Variants in PPP6R3 observed in about 807,000 individuals in gnomAD.
PPP6R3 encodes the protein serine/threonine-protein phosphatase 6 regulatory subunit 3.
Under a neutral mutation model 110.7 loss-of-function variants are expected in PPP6R3, and 38 were observed. The ratio of observed to expected loss-of-function variants is 0.34; its 90% CI spans 0.26 to 0.45. The LOEUF is 0.45. Ranked by LOEUF, PPP6R3 falls within the 20% of genes least tolerant of loss-of-function variation. The probability of loss-of-function intolerance (pLI) is 1.00; values close to 1 mark genes in which losing one functional copy is unlikely to be tolerated. For missense variants in PPP6R3, 870 were observed against 1,062.4 expected (o/e 0.82, Z 2.52); for synonymous variants, 369 against 373.5 (o/e 0.99, Z 0.14).
chr11:68,464,106 T>A (rs1481533386), intron 1 of PPP6R3, among the ~76,000 whole-genome samples: 2 of 152,232 alleles, frequency 1.3e-5, no homozygotes, highest in Non-Finnish European at 2.9e-5. Flanking sequence ...GATGTTGGAC[T>A]CCACCTCTGG....
chr11:68,528,253 T>C (rs2099211432), intron 2 of PPP6R3, among the ~76,000 whole-genome samples: 1 of 152,078 alleles, frequency 6.6e-6, no homozygotes, highest in South Asian at 2.1e-4. Flanking sequence ...AGTTTCAAGT[T>C]GAAACTGGAA....
At chr11:68,546,288 C>T (rs1343295291) in intron 4 of PPP6R3, among the ~76,000 whole-genome samples, 1 of 152,146 alleles carries the variant, frequency 6.6e-6, no homozygotes, top group Non-Finnish European at 1.5e-5. Flanking sequence ...ATCCTATCAC[C>T]CTGATATTAC....
intron 1 of PPP6R3, among the ~76,000 whole-genome samples, chr11:68,483,621 T>A (rs1565327777): frequency 6.6e-6 from 1 of 152,182 alleles, no homozygotes; most frequent in East Asian, 1.9e-4. Context: ...TAGCTGGAAT[T>A]ACAGGCATTT....
chr11:68,608,563 C>G (rs1000687476), intron 22 of PPP6R3, among the ~76,000 whole-genome samples: 1 of 152,142 alleles, frequency 6.6e-6, no homozygotes, highest in Non-Finnish European at 1.5e-5. Flanking sequence ...TACTGAGAAA[C>G]GCCCAGACAG....
At chr11:68,576,166 C>G in intron 14 of PPP6R3, 123 bp downstream of exon 14, 1 of 699,086 alleles carries the variant, frequency 1.4e-6, no homozygotes, top group Non-Finnish European at 2.3e-6. Flanking sequence ...AAATTCTTAT[C>G]TCTTTACCAG....
chr11:68,469,716 A>G lies in PPP6R3; in HGVS notation c.-158+8889A>G, dbSNP rs561664998. Among the ~76,000 whole-genome samples the G allele has an allele frequency of 9.9e-5, 15 of 152,174 alleles. No individual in the cohort carries two copies. In the East Asian group the frequency reaches 1.7e-3, roughly 18 times the overall value. ...TTTTATTTTAACTTGTAATTGGACT[A>G]TGAATTCAAAGAGTATATATCAGCA... On this transcript the variant is annotated intron_variant, in intron 1 of 23. Coordinates refer to ENST00000393800, the MANE Select transcript of PPP6R3 (RefSeq NM_001164161.2).
At chr11:68,585,225 T>C (rs2099574512) in intron 15 of PPP6R3, among the ~76,000 whole-genome samples, 1 of 152,178 alleles carries the variant, frequency 6.6e-6, no homozygotes, top group Non-Finnish European at 1.5e-5. Flanking sequence ...GATTCTGCCT[T>C]ATAGAGTTTG....
At chr11:68,466,063 C>T (rs1238645552) in intron 1 of PPP6R3, among the ~76,000 whole-genome samples, 4 of 152,138 alleles carry the variant, frequency 2.6e-5, no homozygotes, top group African/African-American at 7.2e-5. Flanking sequence ...CAGACCCGTC[C>T]GAAGCTTGCT....
intron 1 of PPP6R3, among the ~76,000 whole-genome samples, chr11:68,476,071 C>T (rs1366633309): frequency 1.3e-5 from 2 of 152,102 alleles, no homozygotes; most frequent in East Asian, 3.9e-4. Context: ...GGCGGCCGGG[C>T]AGAGGCTGCA....
Position 68,558,627 on chromosome 11 carries a change from A to C in PPP6R3, c.793A>C (p.Ile265Leu), listed in dbSNP as rs1228635138. The C allele has an allele frequency of 1.9e-6, 3 of 1,613,622 alleles. No homozygotes were observed. The highest frequency in any genetic ancestry group is 2.5e-6 in the Non-Finnish European group (3 of 1,179,892). ...CCACAAGGAGAAAAATGAGTCAGCCATAGTCAGTGCAATCCAGATATTGCT... is the reference window on the plus strand; with the variant it reads ...CCACAAGGAGAAAAATGAGTCAGCCCTAGTCAGTGCAATCCAGATATTGCT... Reference protein sequence around the residue: ...IFHKEKNESAIVSAIQILLTL... With the variant: ...IFHKEKNESALVSAIQILLTL... The change falls in exon 8 of 24, where the codon ATA (isoleucine) becomes CTA (leucine). Residue 265 changes from isoleucine to leucine, a missense_variant. By Grantham distance (5) the Ile-to-Leu change is conservative (BLOSUM62 2). Coordinates refer to ENST00000393800, the MANE Select transcript of PPP6R3 (RefSeq NM_001164161.2).
chr11:68,478,662 T>TTTTTTTTTTTG, intron 1 of PPP6R3, among the ~76,000 whole-genome samples: 1 of 125,722 alleles, frequency 8.0e-6, no homozygotes, highest in Non-Finnish European at 1.7e-5. Flanking sequence ...TTTTTTTTTT[T>TTTTTTTTTTTG]TTTTTTTTTT....
At chr11:68,519,271 TTTACTTC>T (rs1350433380) in intron 1 of PPP6R3, among the ~76,000 whole-genome samples, 14 of 152,238 alleles carry the variant, frequency 9.2e-5, no homozygotes, top group African/African-American at 3.4e-4. Context: ...GACATCTGTA[TTTACTTC>T]TGAGATACTG....
At chr11:68,524,431 G>A (rs2099185094) in intron 2 of PPP6R3, among the ~76,000 whole-genome samples, 1 of 152,102 alleles carries the variant, frequency 6.6e-6, no homozygotes. Context: ...TTCCTGGTGT[G>A]ACGTGATGTG....
At chr11:68,590,828 A>G in intron 17 of PPP6R3, 114 bp downstream of exon 17, 2 of 1,239,050 alleles carry the variant, frequency 1.6e-6, no homozygotes, top group Admixed American at 2.9e-5. Flanking sequence ...CTAATCCTAA[A>G]TTGGTGTTAC....
rs1283573715 is a variant in PPP6R3 at position 68,603,295 on chromosome 11, T to C, written c.2300-47T>C. Reference sequence around the variant, plus strand: ...GTTTGTACAGTGGTGGGGTGCCAGTTCCTTTTCGGGCTTGCTGTGTGTGAC... The same window carrying C: ...GTTTGTACAGTGGTGGGGTGCCAGTCCCTTTTCGGGCTTGCTGTGTGTGAC... On this transcript the variant is annotated intron_variant, in intron 21 of 23. Transcript: ENST00000393800. 1.3e-5 allele frequency: 21 copies of C among 1,606,416 alleles called. 1 individual carries two copies. The highest frequency in any genetic ancestry group is 1.8e-5 in the Non-Finnish European group (21 of 1,176,226).
chr11:68,522,352 C>T (rs1365418985), intron 2 of PPP6R3: 1 of 152,208 alleles, frequency 6.6e-6, no homozygotes, highest in African/African-American at 2.4e-5. Flanking sequence ...CTTGACCTTC[C>T]TTATCAACCA....
intron 1 of PPP6R3, among the ~76,000 whole-genome samples, chr11:68,471,804 G>C (rs1344483234): frequency 1.3e-5 from 2 of 152,174 alleles, no homozygotes; most frequent in Non-Finnish European, 2.9e-5. Flanking sequence ...GAAGGCAGCA[G>C]GAAGTGGGTG....
chr11:68,590,586 A>G, intron 16 of PPP6R3, 74 bp from the exon 17 acceptor site: 4 of 1,414,536 alleles, frequency 2.8e-6, no homozygotes, highest in Admixed American at 2.4e-5. Context: ...TAAATTTGGA[A>G]ACTTTCATAA....
At chr11:68,478,330 C>T (rs1484702740) in intron 1 of PPP6R3, among the ~76,000 whole-genome samples, 5 of 152,128 alleles carry the variant, frequency 3.3e-5, no homozygotes, top group Admixed American at 6.5e-5. Flanking sequence ...GTGTGAGCCC[C>T]GTTGCCCAAG....
Sources: allele counts gnomAD v4.1 joint callset (sites outside exome capture counted in the v4.1 genomes callset), GRCh38; gene constraint gnomAD v4.1.1; transcripts MANE v1.5; gene names NCBI Gene and HGNC (gene_info 2026-07-23, HGNC 2026-07-21).